The following PRKCB variants were observed in gnomAD, a reference collection of about 807,000 sequenced individuals.
The protein encoded by PRKCB is protein kinase C beta type.
A neutral mutation model predicts 81.5 loss-of-function variants in PRKCB; 13 were observed. The observed-to-expected ratio is 0.16, with a 90% CI of 0.10 to 0.25. The LOEUF is 0.25. PRKCB is among the 10% of genes least tolerant of loss of function. PRKCB has a pLI of 1.00. For synonymous variants in PRKCB, 335 were observed against 321.4 expected, an observed-to-expected ratio of 1.04 and a Z score of -0.45; for missense variants, 509 against 875.7, an observed-to-expected ratio of 0.58 and a Z score of 5.29.
At chr16:24,154,065 G>T (rs1038121735) in intron 9 of PRKCB, among the ~76,000 whole-genome samples, 1 of 152,226 alleles carries the variant, frequency 6.6e-6, no homozygotes, top group Non-Finnish European at 1.5e-5. Context: ...AAACAGCAAA[G>T]ATACTTGCCC....
intron 2 of PRKCB, among the ~76,000 whole-genome samples, chr16:23,904,499 C>T (rs1242457800): frequency 6.6e-6 from 1 of 152,090 alleles, no homozygotes; most frequent in Non-Finnish European, 1.5e-5. Context: ...CCCATCTCTA[C>T]TAAAAATACA....
At chr16:24,139,611 G>T (rs576531769) in intron 9 of PRKCB, among the ~76,000 whole-genome samples, 6 of 152,310 alleles carry the variant, frequency 3.9e-5, no homozygotes, top group African/African-American at 1.4e-4. Context: ...TTCTCAGCTA[G>T]TGGGCAAAAA....
At position 24,180,925 on chromosome 16, in the gene PRKCB, C is replaced by G. The variant is rs367690547; in HGVS notation, c.1530C>G (p.Pro510=). ...TFCGTPDYIA[P]EIIAYQPYGK... ...GTGGCACTCCAGACTACATCGCCCC[C>G]GAGGTGAGAGCTGCTGGGCACACGT... The change falls in exon 13 of 17, where the codon CCC becomes CCG. Residue 510 remains proline, a synonymous_variant. Transcript: ENST00000643927. The G allele has an allele frequency of 6.2e-7, 1 of 1,613,854 alleles. No individual in the cohort carries two copies. The highest frequency in any genetic ancestry group is 8.5e-7 in the Non-Finnish European group (1 of 1,179,858).
chr16:23,852,991 C>T (rs1962499414), intron 2 of PRKCB, among the ~76,000 whole-genome samples: 1 of 152,180 alleles, frequency 6.6e-6, no homozygotes, highest in Admixed American at 6.5e-5. Context: ...TCTGGAATCA[C>T]CCATTGGGGA....
intron 5 of PRKCB, among the ~76,000 whole-genome samples, chr16:24,069,455 G>A (rs1184785507): frequency 6.6e-6 from 1 of 152,168 alleles, no homozygotes; most frequent in Admixed American, 6.5e-5. Flanking sequence ...TTAAAACAGT[G>A]CCTGGGTCTG....
chr16:24,025,390 G>A (rs535222721), intron 3 of PRKCB, among the ~76,000 whole-genome samples: 59 of 152,198 alleles, frequency 3.9e-4, no homozygotes, highest in Non-Finnish European at 7.6e-4. Flanking sequence ...CTGTTATGAG[G>A]ATCGAATGCA....
chr16:24,049,045 C>CTTTTTT (rs1462670006), intron 5 of PRKCB, among the ~76,000 whole-genome samples: 14 of 82,484 alleles, frequency 1.7e-4, no homozygotes, highest in Non-Finnish European at 3.0e-4. Context: ...TCAAATTGGC[C>CTTTTTT]TGTTTTTTTT....
At chr16:24,154,904 A>G (rs1483700270) in intron 10 of PRKCB, 47 bp downstream of exon 10, 1 of 1,579,984 alleles carries the variant, frequency 6.3e-7, no homozygotes, top group Middle Eastern at 1.9e-4. Flanking sequence ...GGGCTTCACC[A>G]GGCTTTGGCC....
At chr16:24,050,466 AAC>A (rs3051483) in intron 5 of PRKCB, among the ~76,000 whole-genome samples, 7,809 of 148,816 alleles carry the variant, frequency 0.052, 544 homozygotes, top group African/African-American at 0.16. Context: ...GGTTTTATGT[AAC>A]ACACACACAC....
At chr16:24,006,644 TTCTA>T (rs1965126363) in intron 3 of PRKCB, among the ~76,000 whole-genome samples, 1 of 152,248 alleles carries the variant, frequency 6.6e-6, no homozygotes, top group Non-Finnish European at 1.5e-5. Context: ...ACCAGACCAG[TTCTA>T]TCTGATTTTG....
chr16:24,037,385 A>G (rs1381808553), intron 5 of PRKCB, among the ~76,000 whole-genome samples: 1 of 152,228 alleles, frequency 6.6e-6, no homozygotes, highest in East Asian at 1.9e-4. Flanking sequence ...AACAATAGCT[A>G]AGATGTGTTT....
At chr16:24,089,060 C>T (rs1966344103) in intron 5 of PRKCB, among the ~76,000 whole-genome samples, 1 of 152,120 alleles carries the variant, frequency 6.6e-6, no homozygotes. Flanking sequence ...AGATCCCAGC[C>T]TAGAAACTGG....
chr16:24,021,025 T>TTTCG (rs1965363702), intron 3 of PRKCB, among the ~76,000 whole-genome samples: 1 of 141,678 alleles, frequency 7.1e-6, no homozygotes, highest in Non-Finnish European at 1.5e-5. Context: ...TCTTTCTTTC[T>TTTCG]TTCTTTCTTT....
Position 23,932,477 on chromosome 16 carries a change from A to G in PRKCB, c.206-56031A>G, listed in dbSNP as rs141083751. ...TGTAGTCCCTAGCACCTATGTTCGAACAATGTGACCCAGCATTCCTGCTGA... is the reference window on the plus strand; with the variant it reads ...TGTAGTCCCTAGCACCTATGTTCGAGCAATGTGACCCAGCATTCCTGCTGA... On this transcript the variant is annotated intron_variant, in intron 2 of 16. Coordinates refer to ENST00000643927, the MANE Select transcript of PRKCB (RefSeq NM_002738.7). Among the ~76,000 whole-genome samples, 25 of 152,314 alleles carry G rather than the reference A, an allele frequency of 1.6e-4. No individual in the cohort carries two copies. In the East Asian group the frequency reaches 4.6e-3, roughly 28 times the overall value.
intron 5 of PRKCB, among the ~76,000 whole-genome samples, chr16:24,038,665 A>G (rs957857420): frequency 1.3e-5 from 2 of 152,208 alleles, no homozygotes; most frequent in Admixed American, 6.5e-5. Context: ...CGAGTTCTCT[A>G]AAAATAGAGC....
intron 5 of PRKCB, among the ~76,000 whole-genome samples, chr16:24,059,759 A>T (rs1965948162): frequency 6.6e-6 from 1 of 152,214 alleles, no homozygotes; most frequent in African/African-American, 2.4e-5. Context: ...CCAAGGGAAG[A>T]GAGAATTCAA....
intron 16 of PRKCB, among the ~76,000 whole-genome samples, chr16:24,204,329 C>G (rs1232715376): frequency 6.6e-6 from 1 of 151,992 alleles, no homozygotes; most frequent in African/African-American, 2.4e-5. Flanking sequence ...TAGTATGAGG[C>G]AATGGGATGT....
chr16:23,860,493 G>T (rs1323801141), intron 2 of PRKCB, among the ~76,000 whole-genome samples: 1 of 152,120 alleles, frequency 6.6e-6, no homozygotes, highest in African/African-American at 2.4e-5. Flanking sequence ...TAATACAGGG[G>T]TGCATTTTTA....
At chr16:23,928,908 G>A (rs564226237) in intron 2 of PRKCB, among the ~76,000 whole-genome samples, 32 of 151,872 alleles carry the variant, frequency 2.1e-4, no homozygotes, top group Non-Finnish European at 3.5e-4. Flanking sequence ...TAGTAGAGAC[G>A]GGGTTTTGCC....
Sources: allele counts gnomAD v4.1 joint callset (sites outside exome capture counted in the v4.1 genomes callset), GRCh38; gene constraint gnomAD v4.1.1; transcripts MANE v1.5; gene names NCBI Gene and HGNC (gene_info 2026-07-23, HGNC 2026-07-21).